Variants in YEATS4 observed in about 807,000 individuals in gnomAD.
The protein encoded by YEATS4 is YEATS domain-containing protein 4.
In YEATS4, 17 loss-of-function variants were observed where a neutral mutation model predicts 30.1. The observed-to-expected ratio is 0.56, with a 90% confidence interval of 0.39 to 0.85. The LOEUF (loss-of-function observed/expected upper bound fraction) is 0.85. Ranked by LOEUF, YEATS4 falls within the 40% of genes least tolerant of loss-of-function variation. The probability of loss-of-function intolerance (pLI) is 0.00; values close to 1 mark genes in which losing one functional copy is unlikely to be tolerated. For synonymous variants in YEATS4, 85 were observed against 87.5 expected (o/e 0.97, Z 0.16); for missense variants, 142 against 268.3 (o/e 0.53, Z 3.29).
chr12:69,402,725 CTTTTTTT>C, the YEATS4 span, among the ~76,000 whole-genome samples: 1 of 113,116 alleles, frequency 8.8e-6, no homozygotes, highest in African/African-American at 3.3e-5. Flanking sequence ...TCTTTCTTTT[CTTTTTTT>C]TTTTTTTTTT....
downstream of YEATS4, among the ~76,000 whole-genome samples, chr12:69,393,655 C>T (rs957220188): frequency 6.6e-6 from 1 of 151,666 alleles, no homozygotes; most frequent in African/African-American, 2.4e-5. Flanking sequence ...TTTTGGATCT[C>T]AAATTTGAAT....
chr12:69,377,965 G>A (rs968348682), intron 6 of YEATS4, among the ~76,000 whole-genome samples: 6 of 152,178 alleles, frequency 3.9e-5, no homozygotes, highest in African/African-American at 1.4e-4. Context: ...AGGTATTGTT[G>A]TATTGGGGTC....
chr12:69,389,042 A>G (rs990090729), intron 6 of YEATS4, among the ~76,000 whole-genome samples: 2 of 152,246 alleles, frequency 1.3e-5, no homozygotes, highest in African/African-American at 2.4e-5. Context: ...TAGGTGAAAT[A>G]GCTTACAGTG....
chr12:69,361,337 T>C (rs1041788208), intron 1 of YEATS4: 4 of 152,204 alleles, frequency 2.6e-5, no homozygotes, highest in African/African-American at 9.7e-5. Context: ...ACTAGCGCAA[T>C]CTCGGCTCTC....
intron 6 of YEATS4, among the ~76,000 whole-genome samples, chr12:69,383,263 CA>C (rs200862360): frequency 1.6e-4 from 23 of 142,710 alleles, no homozygotes; most frequent in East Asian, 2.0e-4. Context: ...GATTCTGTCT[CA>C]AAAAAAAAAA....
chr12:69,364,385 A>C (rs1189897471), intron 2 of YEATS4: 2 of 188,710 alleles, frequency 1.1e-5, no homozygotes, highest in East Asian at 3.3e-4. Context: ...AAATTCCTAA[A>C]AGTAAATTAA....
At position 69,390,343 on chromosome 12, in the gene YEATS4, A is replaced by G. The variant is rs1315469977; in HGVS notation, c.*27A>G. On this transcript the variant is annotated 3_prime_UTR_variant, in exon 7 of 7. Transcript: ENST00000247843. ...CAGTTCTCATGAGAACTTGGTAGTAAGCTAAACTGAAAATAAGGTGGGCTT... is the reference window on the plus strand; with the variant it reads ...CAGTTCTCATGAGAACTTGGTAGTAGGCTAAACTGAAAATAAGGTGGGCTT... 6.6e-7 allele frequency: 1 copy of G among 1,523,498 alleles called. No individual in the cohort carries two copies. The highest frequency in any genetic ancestry group is 1.3e-5 in the South Asian group (1 of 75,806). The allele number at this position is 1,523,498 out of a possible 1,614,324, so 94.4% of individuals were successfully genotyped here.
downstream of YEATS4, among the ~76,000 whole-genome samples, chr12:69,391,217 C>A (rs1868312824): frequency 6.6e-6 from 1 of 152,016 alleles, no homozygotes; most frequent in African/African-American, 2.4e-5. Context: ...TTGCTTGAAC[C>A]CAGGAGGCAG....
At chr12:69,389,134 T>C (rs543672398) in intron 6 of YEATS4, among the ~76,000 whole-genome samples, 49 of 152,242 alleles carry the variant, frequency 3.2e-4, no homozygotes, top group Middle Eastern at 6.8e-3. Flanking sequence ...TTGGCTTGTA[T>C]TGATAGTGTG....
chr12:69,424,487 C>G, the YEATS4 span, among the ~76,000 whole-genome samples: 2 of 152,254 alleles, frequency 1.3e-5, no homozygotes, highest in African/African-American at 4.8e-5. Context: ...CTCTCCCAGA[C>G]GGAATTCATT....
At chr12:69,363,032 GC>G in intron 2 of YEATS4, 125 bp downstream of exon 2, 1 of 903,722 alleles carries the variant, frequency 1.1e-6, no homozygotes, top group Non-Finnish European at 1.4e-6. Context: ...TTGCTCTGTC[GC>G]CCAGGCTGGA....
chr12:69,423,549 G>A, the YEATS4 span, among the ~76,000 whole-genome samples: 2 of 152,150 alleles, frequency 1.3e-5, no homozygotes, highest in Non-Finnish European at 1.5e-5. Flanking sequence ...GGGGCATTCC[G>A]GGAATCTCAG....
intron 6 of YEATS4, among the ~76,000 whole-genome samples, chr12:69,375,105 A>G (rs1183310361): frequency 6.7e-6 from 1 of 149,122 alleles, no homozygotes; most frequent in East Asian, 2.0e-4. Flanking sequence ...CACTTCCCTG[A>G]CGGGGTGGCT....
chr12:69,363,875 AAAAGT>A (rs1362525697), intron 2 of YEATS4, among the ~76,000 whole-genome samples: 1 of 152,246 alleles, frequency 6.6e-6, no homozygotes, highest in African/African-American at 2.4e-5. Flanking sequence ...TCAAGCAATA[AAAAGT>A]AAAGTACTGA....
At chr12:69,395,619 TATTTC>T (rs1868345761), downstream of YEATS4, among the ~76,000 whole-genome samples, 1 of 152,300 alleles carries the variant, frequency 6.6e-6, no homozygotes, top group Middle Eastern at 3.4e-3. Context: ...AATAAGAATG[TATTTC>T]ATTTGAGTGA....
chr12:69,413,092 T>C, the YEATS4 span, among the ~76,000 whole-genome samples: 19 of 152,122 alleles, frequency 1.2e-4, no homozygotes, highest in African/African-American at 4.6e-4. Context: ...AGAGTAGAAG[T>C]TTGGGTTCAT....
the YEATS4 span, among the ~76,000 whole-genome samples, chr12:69,397,919 G>T: frequency 6.6e-6 from 1 of 152,084 alleles, no homozygotes; most frequent in African/African-American, 2.4e-5. Flanking sequence ...GTTTGTTATG[G>T]CAGCCTTAAT....
intron 6 of YEATS4, among the ~76,000 whole-genome samples, chr12:69,372,738 A>G (rs1051804909): frequency 9.9e-5 from 15 of 151,988 alleles, no homozygotes; most frequent in African/African-American, 3.1e-4. Context: ...GGGTTTCACC[A>G]TGTTGGCCAA....
downstream of YEATS4, among the ~76,000 whole-genome samples, chr12:69,391,376 A>G (rs1209767662): frequency 2.0e-5 from 3 of 151,982 alleles, no homozygotes; most frequent in South Asian, 2.1e-4. Context: ...CACTACTCCT[A>G]CCCTCTCCTC....
Sources: gnomAD v4.1 joint callset for allele counts (sites outside exome capture counted in the v4.1 genomes callset) on GRCh38, gnomAD v4.1.1 for gene constraint, MANE v1.5 for transcripts, NCBI Gene and HGNC (gene_info 2026-07-23, HGNC 2026-07-21) for gene names.